The following ESYT3 variants were observed in gnomAD, a reference collection of about 807,000 sequenced individuals.
ESYT3 encodes the protein extended synaptotagmin-3.
A neutral mutation model predicts 111.5 loss-of-function variants in ESYT3; 101 were observed. The observed-to-expected ratio is 0.91, with a 90% CI of 0.77 to 1.07. The LOEUF (loss-of-function observed/expected upper bound fraction) is 1.07, where lower values mean the gene tolerates loss of function less well. ESYT3 is among the 50% of genes least tolerant of loss of function. The pLI is 0.00. For synonymous variants in ESYT3, 416 were observed against 446.8 expected, an observed-to-expected ratio of 0.93 and a Z score of 0.87; for missense variants, 1,097 against 1,109.4, an observed-to-expected ratio of 0.99 and a Z score of 0.16.
chr3:138,479,471 C>T lies in ESYT3; in HGVS notation c.*2617C>T, dbSNP rs1218569388. The T allele has an allele frequency of 1.3e-5, 2 of 152,242 alleles. No homozygotes were observed. The highest frequency in any genetic ancestry group is 6.5e-5 in the Admixed American group (1 of 15,288). The allele number at this position is 152,242 out of a possible 1,614,324, so 9.4% of individuals were successfully genotyped here. ...TCACTAATTCATTACCTCTCAGCTTCAAATTGACGTCTGTCTCCTTTGCTG... is the reference window on the plus strand; with the variant it reads ...TCACTAATTCATTACCTCTCAGCTTTAAATTGACGTCTGTCTCCTTTGCTG... On this transcript the variant is annotated 3_prime_UTR_variant, in exon 23 of 23. Coordinates refer to ENST00000389567, the MANE Select transcript of ESYT3 (RefSeq NM_031913.5).
chr3:138,450,636 C>T (rs1278079922), intron 1 of ESYT3, among the ~76,000 whole-genome samples: 1 of 152,236 alleles, frequency 6.6e-6, no homozygotes, highest in East Asian at 1.9e-4. Context: ...CACTGAACTC[C>T]TCTGACCAAT....
rs775705318 is a variant in ESYT3 at position 138,460,656 on chromosome 3, C to G, written c.784C>G (p.Pro262Ala). The G allele has an allele frequency of 6.2e-7, 1 of 1,614,064 alleles. No homozygotes were observed. The highest frequency in any genetic ancestry group is 1.1e-5 in the South Asian group (1 of 91,076). Residue 262 changes from proline to alanine, a missense_variant, in exon 7 of 23, where the codon CCG becomes GCG. Transcript: ENST00000389567. ...WTGLTNLLDAPGINDVSDSLL... is the reference protein window; with the variant it reads ...WTGLTNLLDAAGINDVSDSLL... ...TGGCCTGACCAACCTGCTGGATGCG[C>G]CGGGAATCAAGTAGGTGCCTGGGAG...
intron 2 of ESYT3, among the ~76,000 whole-genome samples, chr3:138,454,737 G>A (rs1012766311): frequency 6.6e-6 from 1 of 152,138 alleles, no homozygotes. Context: ...TGCAGAAATC[G>A]GGCAAAGGCT....
chr3:138,476,130 TTC>T, intron 20 of ESYT3, 91 bp from the exon 21 acceptor site: 3 of 814,354 alleles, frequency 3.7e-6, no homozygotes, highest in Non-Finnish European at 6.3e-6. Flanking sequence ...GTCTGTACCT[TTC>T]TGTTTTAGTA....
chr3:138,463,707 A>G (rs2032773328), intron 8 of ESYT3, among the ~76,000 whole-genome samples: 1 of 152,264 alleles, frequency 6.6e-6, no homozygotes, highest in South Asian at 2.1e-4. Flanking sequence ...TGTTAAAAAA[A>G]TTCTAGGAAG....
intron 19 of ESYT3, among the ~76,000 whole-genome samples, chr3:138,473,852 G>A (rs918406112): frequency 6.6e-6 from 1 of 152,186 alleles, no homozygotes; most frequent in Admixed American, 6.5e-5. Flanking sequence ...AAGAGCCAAG[G>A]GCTTTGCTCA....
chr3:138,443,736 C>CTGTGTGTGTGTG lies in ESYT3; in HGVS notation c.328-8303_328-8292dup, dbSNP rs11268903. ...TGTCCACACATCTGTGTTTGTGCAT[C>CTGTGTGTGTGTG]TGTGTGTGTGTGTGTGTGTGACATG... On this transcript the variant is annotated intron_variant, in intron 1 of 22. Coordinates refer to ENST00000389567, the MANE Select transcript of ESYT3 (RefSeq NM_031913.5). Among the ~76,000 whole-genome samples, 1,411 of 147,970 alleles carry CTGTGTGTGTGTG rather than the reference C, an allele frequency of 9.5e-3. 24 individuals carry two copies. The highest frequency in any genetic ancestry group is 0.046 in the Admixed American group (687 of 15,022).
chr3:138,464,010 T>C (rs192019067), intron 8 of ESYT3, among the ~76,000 whole-genome samples: 1 of 152,266 alleles, frequency 6.6e-6, no homozygotes, highest in African/African-American at 2.4e-5. Flanking sequence ...CAGAGGGGTC[T>C]GGAGTAAAGG....
intron 19 of ESYT3, 118 bp from the exon 20 acceptor site, chr3:138,474,103 G>C: frequency 7.4e-7 from 1 of 1,342,368 alleles, no homozygotes; most frequent in Non-Finnish European, 1.0e-6. Flanking sequence ...GGCTAATATA[G>C]CCTTCTCTCA....
chr3:138,480,611 A>C (rs1363427939), downstream of ESYT3: 1 of 152,258 alleles, frequency 6.6e-6, no homozygotes, highest in Non-Finnish European at 1.5e-5. Context: ...ATATGAATAC[A>C]TTCAACAACC....
Position 138,474,390 on chromosome 3 carries a change from A to T in ESYT3, c.2468+38A>T, listed in dbSNP as rs368624655. 48 of 1,540,356 alleles carry T rather than the reference A, an allele frequency of 3.1e-5. No homozygotes were observed. In the African/African-American group the frequency reaches 3.5e-4, roughly 11 times the overall value. On this transcript the variant is annotated intron_variant, in intron 20 of 22. Transcript: ENST00000389567. ...GTGGCCTGCCTAGAGTGCCTCACCC[A>T]TTCAAGTATTTTCCAAGTACCTGTT...
intron 3 of ESYT3, among the ~76,000 whole-genome samples, 176 bp from the exon 4 acceptor site, chr3:138,457,392 G>C (rs1161461154): frequency 6.6e-6 from 1 of 152,202 alleles, no homozygotes; most frequent in African/African-American, 2.4e-5. Flanking sequence ...AAAGGAGGGG[G>C]CACATTCTAG....
chr3:138,449,959 C>G (rs1244740652), intron 1 of ESYT3, among the ~76,000 whole-genome samples: 1 of 152,172 alleles, frequency 6.6e-6, no homozygotes, highest in African/African-American at 2.4e-5. Flanking sequence ...AGGTAGGCAG[C>G]AAGACCAGGC....
intron 4 of ESYT3, 32 bp downstream of exon 4, chr3:138,457,676 G>A (rs769095415): frequency 6.2e-7 from 1 of 1,604,580 alleles, no homozygotes; most frequent in Admixed American, 1.7e-5. Flanking sequence ...ATGGGCTTCG[G>A]GGTGCAGGGG....
intron 8 of ESYT3, among the ~76,000 whole-genome samples, chr3:138,463,000 G>T (rs143845287): frequency 9.9e-4 from 151 of 152,162 alleles, no homozygotes; most frequent in African/African-American, 3.5e-3. Context: ...ATATATGGTC[G>T]TATGACACAT....
chr3:138,469,367 G>A, intron 14 of ESYT3, 69 bp from the exon 15 acceptor site: 1 of 1,377,986 alleles, frequency 7.3e-7, no homozygotes, highest in Non-Finnish European at 1.0e-6. Flanking sequence ...CCTGGGGGTT[G>A]GGGGTAGGAC....
intron 20 of ESYT3, 192 bp downstream of exon 20, chr3:138,474,544 C>A: frequency 1.9e-6 from 1 of 517,274 alleles, no homozygotes; most frequent in Non-Finnish European, 3.2e-6. Context: ...ATCAAAATGG[C>A]CACCTACATT....
chr3:138,476,550 T>G, intron 22 of ESYT3, 58 bp downstream of exon 22: 3 of 1,551,262 alleles, frequency 1.9e-6, no homozygotes, highest in Non-Finnish European at 2.7e-6. Context: ...AGTTTTCCCT[T>G]TTCAGTACTG....
intron 1 of ESYT3, among the ~76,000 whole-genome samples, chr3:138,437,203 A>C (rs994124296): frequency 6.6e-6 from 1 of 152,186 alleles, no homozygotes; most frequent in African/African-American, 2.4e-5. Flanking sequence ...ATAACAGGTC[A>C]TTGCCATTGA....
Sources: gnomAD v4.1 joint callset for allele counts (sites outside exome capture counted in the v4.1 genomes callset) on GRCh38, gnomAD v4.1.1 for gene constraint, MANE v1.5 for transcripts, NCBI Gene and HGNC (gene_info 2026-07-23, HGNC 2026-07-21) for gene names.